Variants in PARP8 observed in about 807,000 individuals in gnomAD.
PARP8 encodes the protein protein mono-ADP-ribosyltransferase PARP8.
In PARP8, 51 loss-of-function variants were observed where a neutral mutation model predicts 124.1. That is an observed-to-expected ratio of 0.41 (90% CI 0.33 to 0.52). The LOEUF is 0.52. Ranked by LOEUF, PARP8 falls within the 20% of genes least tolerant of loss-of-function variation. The pLI, the probability that PARP8 is intolerant of heterozygous loss-of-function variation, is 0.21. For synonymous variants in PARP8, 391 were observed against 361.5 expected (o/e 1.08, Z -0.93); for missense variants, 860 against 1,018.9 (o/e 0.84, Z 2.12).
At chr5:50,833,518 A>T (rs1747222454) in intron 23 of PARP8, 2 of 352,504 alleles carry the variant, frequency 5.7e-6, no homozygotes, top group Middle Eastern at 7.1e-4. Flanking sequence ...ATCTGAAAAA[A>T]AAAAAAATCC....
rs185909800 is a variant in PARP8 at position 50,798,348 on chromosome 5, G to A, written c.1575+1115G>A. ...TACAGTCTCTATACATCTTCCCCAC[G>A]TATTATTCTCTATTTATTATTATTT... On this transcript the variant is annotated intron_variant, in intron 14 of 25. Coordinates refer to ENST00000281631, the MANE Select transcript of PARP8 (RefSeq NM_024615.4). Among the ~76,000 whole-genome samples the A allele has an allele frequency of 3.4e-3, 513 of 151,258 alleles. 2 individuals carry two copies. Among genetic ancestry groups the A allele is most frequent in the Non-Finnish European group, 6.0e-3 (405 of 67,862 alleles).
At chr5:50,679,465 G>A (rs550652993) in intron 2 of PARP8, among the ~76,000 whole-genome samples, 2 of 152,168 alleles carry the variant, frequency 1.3e-5, no homozygotes, top group South Asian at 4.1e-4. Flanking sequence ...TTGTGTTATT[G>A]AAAATTAAAT....
chr5:50,726,179 T>G (rs2149511463), intron 2 of PARP8, among the ~76,000 whole-genome samples: 1 of 152,258 alleles, frequency 6.6e-6, no homozygotes, highest in African/African-American at 2.4e-5. Context: ...GTTTGAAGCT[T>G]CACTTTAATT....
intron 2 of PARP8, among the ~76,000 whole-genome samples, chr5:50,723,459 A>T (rs897317695): frequency 3.9e-5 from 6 of 152,110 alleles, no homozygotes; most frequent in African/African-American, 7.2e-5. Flanking sequence ...TTGGATATCA[A>T]AGATGAGAAG....
intron 2 of PARP8, among the ~76,000 whole-genome samples, chr5:50,734,434 T>C (rs946584766): frequency 7.9e-5 from 12 of 152,278 alleles, no homozygotes; most frequent in African/African-American, 2.9e-4. Context: ...GTCATGAGGA[T>C]TAAAGTCATG....
intron 14 of PARP8, among the ~76,000 whole-genome samples, chr5:50,797,976 C>G (rs962890230): frequency 2.0e-5 from 3 of 152,130 alleles, no homozygotes; most frequent in African/African-American, 7.2e-5. Context: ...ATTTCCGCCT[C>G]CTGTCATCCC....
intron 7 of PARP8, among the ~76,000 whole-genome samples, chr5:50,765,223 T>C (rs1314663307): frequency 1.3e-5 from 2 of 151,730 alleles, no homozygotes; most frequent in Non-Finnish European, 2.9e-5. Flanking sequence ...GATCGTGGCA[T>C]TGCACTCCAG....
intron 2 of PARP8, among the ~76,000 whole-genome samples, chr5:50,731,001 G>T (rs909549883): frequency 3.3e-5 from 5 of 152,204 alleles, no homozygotes; most frequent in African/African-American, 9.6e-5. Flanking sequence ...ATTAGATCTT[G>T]TCACAAACTA....
intron 2 of PARP8, among the ~76,000 whole-genome samples, chr5:50,712,758 A>G (rs1404586569): frequency 1.3e-5 from 2 of 152,100 alleles, no homozygotes; most frequent in African/African-American, 4.8e-5. Context: ...AGAAAGAAAC[A>G]AATATGGATC....
chr5:50,712,821 G>C (rs759045777), intron 2 of PARP8, among the ~76,000 whole-genome samples: 4 of 151,766 alleles, frequency 2.6e-5, no homozygotes, highest in Non-Finnish European at 5.9e-5. Context: ...GTTTAAAACA[G>C]GAAAGAAGGA....
rs1745587317 is a variant in PARP8, at chr5:50,820,073, T to C, written c.1669-1140T>C. Among the ~76,000 whole-genome samples the C allele has an allele frequency of 5.3e-5, 8 of 152,332 alleles. 1 individual carries two copies. The South Asian group carries it at 1.4e-3, about 28-fold the overall frequency. ...CTTGTGGATATGCATGTCTATGTAC[T>C]CGGGGCATGTTATGTCTGGTGTCTT... On this transcript the variant is annotated intron_variant, in intron 15 of 25. Coordinates refer to ENST00000281631, the MANE Select transcript of PARP8 (RefSeq NM_024615.4).
intron 2 of PARP8, among the ~76,000 whole-genome samples, chr5:50,705,480 C>T (rs1400536435): frequency 6.6e-6 from 1 of 152,020 alleles, no homozygotes; most frequent in African/African-American, 2.4e-5. Flanking sequence ...GGAGCTAAAA[C>T]TAAATAAATT....
At chr5:50,825,584 C>G (rs747984881) in intron 18 of PARP8, among the ~76,000 whole-genome samples, 23 of 152,124 alleles carry the variant, frequency 1.5e-4, no homozygotes, top group Non-Finnish European at 3.1e-4. Context: ...ATAATTTGCC[C>G]TCTTCTACTT....
chr5:50,722,990 G>A (rs545572787), intron 2 of PARP8, among the ~76,000 whole-genome samples: 1 of 152,210 alleles, frequency 6.6e-6, no homozygotes, highest in African/African-American at 2.4e-5. Context: ...GTTATCAGAT[G>A]CCATTTGAAA....
At chr5:50,777,424 T>G (rs1355490580) in intron 7 of PARP8, among the ~76,000 whole-genome samples, 3 of 152,230 alleles carry the variant, frequency 2.0e-5, no homozygotes, top group Non-Finnish European at 4.4e-5. Flanking sequence ...TGGAGAATAT[T>G]CAAACTTGTT....
At chr5:50,704,564 C>T (rs763257900) in intron 2 of PARP8, among the ~76,000 whole-genome samples, 3 of 152,114 alleles carry the variant, frequency 2.0e-5, no homozygotes, top group Non-Finnish European at 2.9e-5. Flanking sequence ...AAGTGGCTTT[C>T]GAGCACTTAA....
In PARP8 at chr5:50,778,125, TTGATG is replaced by T. The variant is rs1293142959; in HGVS notation, c.577_579+2del. On this transcript the variant is annotated splice_donor_variant and coding_sequence_variant, in exon 8 of 26. Transcript: ENST00000281631. LOFTEE classifies it high-confidence loss of function. ...GATCTGCATATCGATGTTAGCTTTCTTGATGTAAGTATCAATTTTATGTAATATGA... is the reference window on the plus strand; with the variant it reads ...GATCTGCATATCGATGTTAGCTTTCTTAAGTATCAATTTTATGTAATATGA... 6.3e-7 allele frequency: 1 copy of T among 1,599,584 alleles called. No individual in the cohort carries two copies. The highest frequency in any genetic ancestry group is 1.7e-5 in the Admixed American group (1 of 58,372).
chr5:50,752,293 A>G (rs1004386526), intron 3 of PARP8, among the ~76,000 whole-genome samples: 1 of 152,062 alleles, frequency 6.6e-6, no homozygotes, highest in Non-Finnish European at 1.5e-5. Context: ...TAAAGACCTT[A>G]AGTTGCTGAA....
rs1315815762 is a variant in PARP8 at position 50,700,741 on chromosome 5, A to G, written c.146+32616A>G. Reference sequence around the variant, plus strand: ...TGAATATTTGTGTTGGGGCATAATTACTCAAAATTACGTTTTTCTTCCTGC... The same window carrying G: ...TGAATATTTGTGTTGGGGCATAATTGCTCAAAATTACGTTTTTCTTCCTGC... On this transcript the variant is annotated intron_variant, in intron 2 of 25. Transcript: ENST00000281631. 6.6e-5 allele frequency among the ~76,000 whole-genome samples: 10 copies of G among 152,246 alleles called. No individual in the cohort carries two copies. The East Asian group carries it at 1.5e-3, about 24-fold the overall frequency.
Sources: allele counts gnomAD v4.1 joint callset (sites outside exome capture counted in the v4.1 genomes callset), GRCh38; gene constraint gnomAD v4.1.1; transcripts MANE v1.5; gene names NCBI Gene and HGNC (gene_info 2026-07-23, HGNC 2026-07-21).